RASA1: variants seen among roughly 807,000 people sequenced by gnomAD.
The protein encoded by RASA1 is RAS p21 protein activator 1, also known as ras GTPase-activating protein 1.
In RASA1, 25 loss-of-function variants were observed where a neutral mutation model predicts 132.2. That is an observed-to-expected ratio of 0.19 (90% CI 0.14 to 0.26). The LOEUF (loss-of-function observed/expected upper bound fraction) is 0.26, where lower values mean the gene tolerates loss of function less well. Among genes scored for constraint, RASA1 ranks in the 10% least tolerant of loss-of-function variants. The pLI is 1.00. For missense variants in RASA1, 964 were observed against 1,299.2 expected (o/e 0.74, Z 3.97); for synonymous variants, 477 against 449.9 (o/e 1.06, Z -0.76).
intron 1 of RASA1, among the ~76,000 whole-genome samples, chr5:87,303,943 C>T (rs1370053047): frequency 6.6e-6 from 1 of 151,112 alleles, no homozygotes; most frequent in Non-Finnish European, 1.5e-5. Context: ...AAGTGATTCT[C>T]CTGCCTCAGC....
At chr5:87,338,667 C>T (rs1192628490) in intron 5 of RASA1, among the ~76,000 whole-genome samples, 2 of 150,326 alleles carry the variant, frequency 1.3e-5, no homozygotes, top group Non-Finnish European at 3.0e-5. Flanking sequence ...CCACAGTGCC[C>T]GGCCTATTTG....
At chr5:87,276,140 T>TA (rs1476413025) in intron 1 of RASA1, among the ~76,000 whole-genome samples, 2 of 152,048 alleles carry the variant, frequency 1.3e-5, no homozygotes, top group East Asian at 3.8e-4. Context: ...AGAATACTAG[T>TA]AGTGAGGGAC....
chr5:87,310,615 G>T (rs905871417), intron 1 of RASA1, among the ~76,000 whole-genome samples: 4 of 152,112 alleles, frequency 2.6e-5, no homozygotes, highest in African/African-American at 9.7e-5. Flanking sequence ...AGTTAAGATT[G>T]TTCAAGAAAG....
intron 17 of RASA1, 39 bp downstream of exon 17, chr5:87,377,079 G>C: frequency 6.3e-7 from 1 of 1,582,890 alleles, no homozygotes; most frequent in Non-Finnish European, 8.7e-7. Context: ...AAGAAACTGG[G>C]TTTAGATTTT....
chr5:87,317,795 T>G (rs1314460231), intron 1 of RASA1, among the ~76,000 whole-genome samples: 1 of 151,816 alleles, frequency 6.6e-6, no homozygotes, highest in Non-Finnish European at 1.5e-5. Flanking sequence ...ACCACCACAC[T>G]CAGCTAATTT....
intron 1 of RASA1, among the ~76,000 whole-genome samples, chr5:87,328,441 G>C (rs575831250): frequency 1.8e-4 from 27 of 152,136 alleles, no homozygotes; most frequent in Middle Eastern, 3.4e-3. Context: ...ATGTTTTCTT[G>C]TATTTCTTTG....
intron 1 of RASA1, among the ~76,000 whole-genome samples, chr5:87,270,950 C>A (rs1753803513): frequency 6.6e-6 from 1 of 151,968 alleles, no homozygotes; most frequent in African/African-American, 2.4e-5. Flanking sequence ...AGTGTTAATT[C>A]CAATTTTGCT....
rs1754216924 is a variant in RASA1 at position 87,279,465 on chromosome 5, A to ATTTGTATATATGTT, written c.539+10481_539+10494dup. On this transcript the variant is annotated intron_variant, in intron 1 of 24. Coordinates refer to ENST00000274376, the MANE Select transcript of RASA1 (RefSeq NM_002890.3). ...ATTATAAAAAAAAGCTGCTATAAACATTTGTATATATGTTTTTGTGTGAAC... is the reference window on the plus strand; with the variant it reads ...ATTATAAAAAAAAGCTGCTATAAACATTTGTATATATGTTTTTGTATATATGTTTTTGTGTGAAC... Among the ~76,000 whole-genome samples the ATTTGTATATATGTT allele has an allele frequency of 1.3e-5, 2 of 152,158 alleles. 1 individual carries two copies. Among genetic ancestry groups the ATTTGTATATATGTT allele is most frequent in the South Asian group, 4.1e-4 (2 of 4,830 alleles).
intron 1 of RASA1, among the ~76,000 whole-genome samples, chr5:87,272,815 T>C (rs1753905274): frequency 6.6e-6 from 1 of 152,238 alleles, no homozygotes; most frequent in Admixed American, 6.5e-5. Flanking sequence ...TAAGCAATTT[T>C]AGAGGTGAAA....
At chr5:87,351,748 T>C (rs902369924) in intron 8 of RASA1, among the ~76,000 whole-genome samples, 2 of 151,758 alleles carry the variant, frequency 1.3e-5, no homozygotes, top group Non-Finnish European at 3.0e-5. Context: ...AAAAAACTCT[T>C]AAGTCTAGCT....
At chr5:87,351,416 G>C (rs1268558161) in intron 8 of RASA1, among the ~76,000 whole-genome samples, 4 of 151,716 alleles carry the variant, frequency 2.6e-5, no homozygotes, top group African/African-American at 9.7e-5. Context: ...AGTTCAGTGG[G>C]GGGTGAGAAG....
chr5:87,268,370 G>C lies in RASA1; in HGVS notation c.-82G>C, dbSNP rs1753657307. 6.9e-7 allele frequency: 1 copy of C among 1,441,742 alleles called. No individual in the cohort carries two copies. Among genetic ancestry groups the C allele is most frequent in the African/African-American group, 1.4e-5 (1 of 69,654 alleles). 89.3% of individuals were successfully genotyped at this position (1,441,742 alleles called of 1,614,324 possible). ...GGAGCTGAAGGGGAGACGCGTCTGG[G>C]TGGGGCTGCTCGGAGCCCGGGCCTG... On this transcript the variant is annotated 5_prime_UTR_variant, in exon 1 of 25. Coordinates refer to ENST00000274376, the MANE Select transcript of RASA1 (RefSeq NM_002890.3).
chr5:87,312,213 T>C (rs542246932), intron 1 of RASA1, among the ~76,000 whole-genome samples: 1 of 152,352 alleles, frequency 6.6e-6, no homozygotes, highest in Admixed American at 6.5e-5. Flanking sequence ...TTAACTTATA[T>C]GTAACTTTAG....
intron 5 of RASA1, 45 bp from the exon 6 acceptor site, chr5:87,341,245 T>G: frequency 1.8e-6 from 2 of 1,112,538 alleles, no homozygotes. Flanking sequence ...AAAAATTGAT[T>G]AATAGTTAAT....
intron 6 of RASA1, among the ~76,000 whole-genome samples, chr5:87,344,259 A>G (rs1758684327): frequency 6.6e-6 from 1 of 152,196 alleles, no homozygotes; most frequent in South Asian, 2.1e-4. Context: ...TGACTTGATC[A>G]TTAAACATTA....
At position 87,267,919 on chromosome 5, in the gene RASA1, G is replaced by C. The variant is rs1753636768; in HGVS notation, c.-533G>C. 1 of 392,726 alleles carries C rather than the reference G, an allele frequency of 2.5e-6. No individual in the cohort carries two copies. The highest frequency in any genetic ancestry group is 4.4e-5 in the Admixed American group (1 of 22,794). The allele number at this position is 392,726 out of a possible 1,614,324, so 24.3% of individuals were successfully genotyped here. ...GCTCCAGGTAGTGAGCAGTTCAGTCGATTTCCTCGTTACCCCGCCCCCCTT... is the reference window on the plus strand; with the variant it reads ...GCTCCAGGTAGTGAGCAGTTCAGTCCATTTCCTCGTTACCCCGCCCCCCTT... On this transcript the variant is annotated 5_prime_UTR_variant, in exon 1 of 25. Transcript: ENST00000274376.
At chr5:87,326,190 A>G (rs988930469) in intron 1 of RASA1, among the ~76,000 whole-genome samples, 1 of 152,148 alleles carries the variant, frequency 6.6e-6, no homozygotes, top group East Asian at 1.9e-4. Flanking sequence ...TGGGTTGGTC[A>G]TGAACTCCTG....
chr5:87,376,253 G>C, intron 15 of RASA1, 140 bp from the exon 16 acceptor site: 1 of 935,548 alleles, frequency 1.1e-6, no homozygotes, highest in Non-Finnish European at 1.6e-6. Context: ...ACTAAATATT[G>C]AATTTGTGAT....
chr5:87,379,998 T>C, intron 19 of RASA1, 148 bp downstream of exon 19: 3 of 876,306 alleles, frequency 3.4e-6, no homozygotes, highest in Non-Finnish European at 5.2e-6. Context: ...GAATTGTATT[T>C]AAAGAAAATA....
Sources: allele counts gnomAD v4.1 joint callset (sites outside exome capture counted in the v4.1 genomes callset), GRCh38; gene constraint gnomAD v4.1.1; transcripts MANE v1.5; gene names NCBI Gene and HGNC (gene_info 2026-07-23, HGNC 2026-07-21).